TCF7L1: variants seen among roughly 807,000 people sequenced by gnomAD.
TCF7L1 encodes the protein transcription factor 7 like 1.
In TCF7L1, 18 loss-of-function variants were observed where a neutral mutation model predicts 63.7. The observed-to-expected ratio is 0.28, with a 90% CI of 0.20 to 0.42. TCF7L1 has a LOEUF of 0.42. Ranked by LOEUF, TCF7L1 falls within the 10% of genes least tolerant of loss-of-function variation. The probability of loss-of-function intolerance (pLI) is 1.00; values close to 1 mark genes in which losing one functional copy is unlikely to be tolerated. For synonymous variants in TCF7L1, 355 were observed against 340.9 expected (o/e 1.04, Z -0.46); for missense variants, 654 against 779.3 (o/e 0.84, Z 1.91).
At chr2:85,290,411 A>G (rs996950060) in intron 4 of TCF7L1, among the ~76,000 whole-genome samples, 4 of 152,002 alleles carry the variant, frequency 2.6e-5, no homozygotes, top group Non-Finnish European at 5.9e-5. Context: ...CCTGGCCTCA[A>G]GTGATCCGCC....
intron 3 of TCF7L1, among the ~76,000 whole-genome samples, chr2:85,262,917 A>C (rs1680889641): frequency 6.6e-6 from 1 of 152,152 alleles, no homozygotes; most frequent in African/African-American, 2.4e-5. Flanking sequence ...CCTACCCCAA[A>C]CTTGGGCCAG....
At chr2:85,172,840 TGCAGCGTCC>T (rs1678580120) in intron 3 of TCF7L1, among the ~76,000 whole-genome samples, 1 of 152,062 alleles carries the variant, frequency 6.6e-6, no homozygotes, top group Non-Finnish European at 1.5e-5. Context: ...TATTTACAAT[TGCAGCGTCC>T]GCCCCACCTC....
chr2:85,157,523 C>T (rs945498409), intron 3 of TCF7L1, among the ~76,000 whole-genome samples: 1 of 152,326 alleles, frequency 6.6e-6, no homozygotes, highest in Middle Eastern at 3.4e-3. Context: ...TCACCCAGCC[C>T]CTGCCATGTG....
chr2:85,303,427 GA>G (rs1682031439), intron 5 of TCF7L1: 1 of 153,332 alleles, frequency 6.5e-6, no homozygotes, highest in African/African-American at 2.4e-5. Context: ...GTTGCCAGGG[GA>G]AGGCAAAGCA....
In TCF7L1 at chr2:85,135,931, A is replaced by AGG. The variant is rs56107490; in HGVS notation, c.441+1491_441+1492dup. 2.5e-3 allele frequency among the ~76,000 whole-genome samples: 356 copies of AGG among 143,736 alleles called. 4 individuals carry two copies. The highest frequency in any genetic ancestry group is 8.7e-3 in the African/African-American group (339 of 38,798). 94.3% of individuals were successfully genotyped at this position (143,736 alleles called of 152,430 possible). On this transcript the variant is annotated intron_variant, in intron 3 of 11. Transcript: ENST00000282111. ...AAGAAAAGAGGTGCGTGCCAATCAAAGGGGGGGGGGGATCAACGAGCTGCT... is the reference window on the plus strand; with the variant it reads ...AAGAAAAGAGGTGCGTGCCAATCAAAGGGGGGGGGGGGGATCAACGAGCTGCT...
At chr2:85,264,323 A>G (rs1168127414) in intron 3 of TCF7L1, among the ~76,000 whole-genome samples, 1 of 152,230 alleles carries the variant, frequency 6.6e-6, no homozygotes, top group Middle Eastern at 3.2e-3. Flanking sequence ...GGATCAAATG[A>G]GAATTTGGCC....
intron 3 of TCF7L1, among the ~76,000 whole-genome samples, chr2:85,209,845 C>A (rs1436046272): frequency 2.0e-5 from 3 of 152,086 alleles, no homozygotes; most frequent in Non-Finnish European, 4.4e-5. Context: ...TCCTATAGCC[C>A]TTTCCCAGGG....
chr2:85,206,239 C>CCA (rs1679406776), intron 3 of TCF7L1, among the ~76,000 whole-genome samples: 1 of 152,202 alleles, frequency 6.6e-6, no homozygotes, highest in Non-Finnish European at 1.5e-5. Flanking sequence ...ATTCTTCCAC[C>CCA]CACACACCAC....
intron 3 of TCF7L1, among the ~76,000 whole-genome samples, chr2:85,231,629 A>G (rs532625515): frequency 1.1e-4 from 16 of 152,166 alleles, no homozygotes; most frequent in Admixed American, 3.3e-4. Flanking sequence ...GGCACCAGGG[A>G]GTATGCTGGC....
At chr2:85,226,971 C>T (rs1049187363) in intron 3 of TCF7L1, among the ~76,000 whole-genome samples, 1 of 152,104 alleles carries the variant, frequency 6.6e-6, no homozygotes, top group African/African-American at 2.4e-5. Flanking sequence ...TCAAATAGCA[C>T]CGCTGCCGCC....
intron 3 of TCF7L1, among the ~76,000 whole-genome samples, chr2:85,283,171 C>T (rs1414556111): frequency 2.0e-5 from 3 of 151,642 alleles, no homozygotes; most frequent in Non-Finnish European, 4.4e-5. Context: ...GGGACTTGAG[C>T]CTCACTAGTA....
intron 4 of TCF7L1, among the ~76,000 whole-genome samples, chr2:85,284,730 G>A (rs1345976428): frequency 1.3e-5 from 2 of 152,192 alleles, no homozygotes; most frequent in African/African-American, 4.8e-5. Flanking sequence ...GCAGACATAG[G>A]ACTTCACTGT....
chr2:85,210,171 C>T (rs1679510096), intron 3 of TCF7L1, among the ~76,000 whole-genome samples: 1 of 152,250 alleles, frequency 6.6e-6, no homozygotes. Flanking sequence ...TTACCATTAA[C>T]TGGCTCCTTA....
In TCF7L1 at chr2:85,151,374, CAAG is replaced by C. The variant is rs1446541158; in HGVS notation, c.441+16926_441+16928del. On this transcript the variant is annotated intron_variant, in intron 3 of 11. Coordinates refer to ENST00000282111, the MANE Select transcript of TCF7L1 (RefSeq NM_031283.3). ...AAATTATTAGATTTAGATTTTTGGT[CAAG>C]ATTCAGAGTGTTTCTCTCTCTCTCC... is the stretch of plus-strand genomic sequence containing the variant. Among the ~76,000 whole-genome samples the C allele has an allele frequency of 2.0e-5, 3 of 152,142 alleles. No homozygotes were observed. In the South Asian group the frequency reaches 6.2e-4, roughly 32 times the overall value.
At position 85,133,961 on chromosome 2, in the gene TCF7L1, G is replaced by A. The variant is rs760081564; in HGVS notation, c.249+28G>A. On this transcript the variant is annotated intron_variant, in intron 1 of 11. Transcript: ENST00000282111. This position sits in a 1 kb window ranked among gnomAD's most constrained non-coding sequence, Gnocchi z 4.4. ...AAGGAAGCACCGCGGCCACCCCCGG[G>A]GGATCCCGGCCCTGCGTCCGCTCAC... 1.9e-6 allele frequency: 3 copies of A among 1,578,020 alleles called. No individual in the cohort carries two copies. Among genetic ancestry groups the A allele is most frequent in the East Asian group, 2.3e-5 (1 of 43,012 alleles).
At position 85,133,744 on chromosome 2, in the gene TCF7L1, C is replaced by T. The variant is rs1677516458; in HGVS notation, c.60C>T (p.Gly20=). The part of the protein sequence containing the change: ...GGGGGSGGGG[G]SSAGAAGGGD... ...GCGGCGGCAGCGGGGGAGGCGGCGGCTCCAGCGCCGGGGCGGCCGGCGGAG... is the reference window on the plus strand; with the variant it reads ...GCGGCGGCAGCGGGGGAGGCGGCGGTTCCAGCGCCGGGGCGGCCGGCGGAG... The change falls in exon 1 of 12, where the codon GGC becomes GGT. Residue 20 remains glycine (G), a synonymous_variant. Transcript: ENST00000282111. This position sits in a 1 kb window ranked among gnomAD's most constrained non-coding sequence, Gnocchi z 4.4. 2 of 1,229,066 alleles carry T rather than the reference C, an allele frequency of 1.6e-6. No individual in the cohort carries two copies. Among genetic ancestry groups the T allele is most frequent in the South Asian group, 4.1e-5 (1 of 24,480 alleles). The allele number at this position is 1,229,066 out of a possible 1,614,324, so 76.1% of individuals were successfully genotyped here.
At chr2:85,272,319 A>G (rs1036372207) in intron 3 of TCF7L1, among the ~76,000 whole-genome samples, 1 of 152,232 alleles carries the variant, frequency 6.6e-6, no homozygotes, top group Non-Finnish European at 1.5e-5. Context: ...TACTGTTGCT[A>G]TGATATAAGA....
intron 3 of TCF7L1, among the ~76,000 whole-genome samples, chr2:85,150,892 C>A (rs553694339): frequency 6.6e-6 from 1 of 152,220 alleles, no homozygotes; most frequent in East Asian, 1.9e-4. Flanking sequence ...TTGCCAGAAA[C>A]AATTTCCACT....
At chr2:85,271,246 A>G (rs1198380715) in intron 3 of TCF7L1, among the ~76,000 whole-genome samples, 1 of 151,546 alleles carries the variant, frequency 6.6e-6, no homozygotes, top group African/African-American at 2.4e-5. Context: ...CCAAGTAGCT[A>G]GGATTACAGG....
Sources: allele counts gnomAD v4.1 joint callset (sites outside exome capture counted in the v4.1 genomes callset), GRCh38; gene constraint gnomAD v4.1.1; non-coding constraint Gnocchi (gnomAD v3.1); transcripts MANE v1.5; gene names NCBI Gene and HGNC (gene_info 2026-07-23, HGNC 2026-07-21).